Variants in ATRNL1 observed in about 807,000 individuals in gnomAD.
ATRNL1 encodes the protein attractin-like protein 1.
In ATRNL1, 95 loss-of-function variants were observed where a neutral mutation model predicts 182.7. The ratio of observed to expected loss-of-function variants is 0.52; its 90% CI spans 0.44 to 0.62. The LOEUF (loss-of-function observed/expected upper bound fraction) is 0.62. Among genes scored for constraint, ATRNL1 ranks in the 20% least tolerant of loss-of-function variants. ATRNL1 has a pLI of 0.00. For synonymous variants in ATRNL1, 576 were observed against 568.3 expected (o/e 1.01, Z -0.19); for missense variants, 1,471 against 1,679.5 (o/e 0.88, Z 2.17).
intron 28 of ATRNL1, among the ~76,000 whole-genome samples, chr10:115,905,220 T>C (rs1952465780): frequency 6.6e-6 from 1 of 151,826 alleles, no homozygotes. Context: ...AATATTGGTT[T>C]TAGTCTTTTT....
chr10:115,763,877 C>A (rs1555074291), intron 27 of ATRNL1, among the ~76,000 whole-genome samples: 1 of 152,002 alleles, frequency 6.6e-6, no homozygotes, highest in Non-Finnish European at 1.5e-5. Flanking sequence ...ATACTAAATG[C>A]CTATTACATA....
chr10:115,313,685 C>T (rs1472538802), intron 17 of ATRNL1, among the ~76,000 whole-genome samples: 1 of 151,762 alleles, frequency 6.6e-6, no homozygotes, highest in Admixed American at 6.6e-5. Flanking sequence ...ATGATCCTTT[C>T]TTAAGAAAAG....
chr10:115,668,928 C>G (rs1945604020), intron 26 of ATRNL1, among the ~76,000 whole-genome samples: 1 of 151,906 alleles, frequency 6.6e-6, no homozygotes, highest in South Asian at 2.1e-4. Context: ...GTCATTATTC[C>G]CCTCAGACAT....
At chr10:115,118,474 C>T (rs142243909) in intron 1 of ATRNL1, among the ~76,000 whole-genome samples, 14 of 152,192 alleles carry the variant, frequency 9.2e-5, no homozygotes, top group Non-Finnish European at 1.9e-4. Flanking sequence ...CTGGCAGCAC[C>T]ATAAGCCGAT....
chr10:115,720,021 G>T (rs1389109539), intron 26 of ATRNL1, among the ~76,000 whole-genome samples: 1 of 151,832 alleles, frequency 6.6e-6, no homozygotes, highest in Non-Finnish European at 1.5e-5. Context: ...CACCAGGCCT[G>T]GATATATTTT....
intron 5 of ATRNL1, among the ~76,000 whole-genome samples, chr10:115,138,468 T>C (rs1845616211): frequency 6.6e-6 from 1 of 152,222 alleles, no homozygotes; most frequent in Non-Finnish European, 1.5e-5. Flanking sequence ...CTCCGAAATC[T>C]AGGTGAAGGT....
chr10:115,395,455 T>C (rs1029258936), intron 20 of ATRNL1, among the ~76,000 whole-genome samples: 2 of 151,948 alleles, frequency 1.3e-5, no homozygotes, highest in African/African-American at 4.8e-5. Context: ...ACATGTTATC[T>C]TTTGCATTTC....
chr10:115,411,209 T>C (rs1845123761), intron 20 of ATRNL1, among the ~76,000 whole-genome samples: 1 of 150,298 alleles, frequency 6.7e-6, no homozygotes, highest in Non-Finnish European at 1.5e-5. Context: ...CATTTGAATA[T>C]ATATTTAATA....
intron 21 of ATRNL1, among the ~76,000 whole-genome samples, chr10:115,439,174 A>G (rs549358049): frequency 3.3e-5 from 5 of 152,016 alleles, no homozygotes; most frequent in African/African-American, 1.2e-4. Flanking sequence ...TTCATTCTCA[A>G]CGTCATCATG....
intron 14 of ATRNL1, among the ~76,000 whole-genome samples, chr10:115,285,737 G>T (rs1852579167): frequency 6.6e-6 from 1 of 151,992 alleles, no homozygotes; most frequent in African/African-American, 2.4e-5. Context: ...AAGAATCAGA[G>T]AACCCAACTT....
chr10:115,213,626 G>T (rs1218168595), intron 8 of ATRNL1, among the ~76,000 whole-genome samples: 2 of 151,746 alleles, frequency 1.3e-5, no homozygotes, highest in Non-Finnish European at 2.9e-5. Context: ...AGGTCTGTGG[G>T]GGGAGCAGGG....
chr10:115,196,191 A>G (rs537648786), intron 8 of ATRNL1, among the ~76,000 whole-genome samples: 14 of 148,610 alleles, frequency 9.4e-5, no homozygotes, highest in South Asian at 4.2e-4. Flanking sequence ...ATGAATGAAT[A>G]AATATCCAAT....
At chr10:115,917,192 T>A (rs1952885969) in intron 28 of ATRNL1, among the ~76,000 whole-genome samples, 1 of 151,564 alleles carries the variant, frequency 6.6e-6, no homozygotes, top group Admixed American at 6.6e-5. Flanking sequence ...CGGGGCCGGC[T>A]GGGAGCGGTG....
At chr10:115,253,605 T>A (rs573788575) in intron 10 of ATRNL1, among the ~76,000 whole-genome samples, 28 of 152,236 alleles carry the variant, frequency 1.8e-4, no homozygotes, top group East Asian at 5.8e-4. Flanking sequence ...AGATTTTTTT[T>A]ATTATTATTA....
At chr10:115,340,018 T>C (rs1345842454) in intron 19 of ATRNL1, among the ~76,000 whole-genome samples, 2 of 152,236 alleles carry the variant, frequency 1.3e-5, no homozygotes, top group Non-Finnish European at 2.9e-5. Flanking sequence ...GATTTGCATA[T>C]GTTGAACCAT....
At chr10:115,348,371 G>A (rs1856072789) in intron 19 of ATRNL1, among the ~76,000 whole-genome samples, 1 of 152,090 alleles carries the variant, frequency 6.6e-6, no homozygotes, top group Admixed American at 6.6e-5. Context: ...TTTATATGTT[G>A]TATAATATAT....
At chr10:115,529,698 T>G (rs1554987637) in intron 25 of ATRNL1, among the ~76,000 whole-genome samples, 2 of 152,248 alleles carry the variant, frequency 1.3e-5, no homozygotes, top group East Asian at 1.9e-4. Context: ...AAACTTTTAC[T>G]TATCATTGTC....
At chr10:115,578,751 G>C (rs1055826072) in intron 26 of ATRNL1, among the ~76,000 whole-genome samples, 1 of 151,294 alleles carries the variant, frequency 6.6e-6, no homozygotes, top group Non-Finnish European at 1.5e-5. Context: ...GTCTTTATTA[G>C]TTTCTTCATT....
chr10:115,828,238 A>T (rs1950481988), intron 27 of ATRNL1, among the ~76,000 whole-genome samples: 1 of 151,998 alleles, frequency 6.6e-6, no homozygotes. Context: ...AATCACTTGA[A>T]CCTGGGAGCC....
Sources: allele counts gnomAD v4.1 joint callset (sites outside exome capture counted in the v4.1 genomes callset), GRCh38; gene constraint gnomAD v4.1.1; transcripts MANE v1.5; gene names NCBI Gene and HGNC (gene_info 2026-07-23, HGNC 2026-07-21).